The following SUGCT variants were observed in gnomAD, a reference collection of about 807,000 sequenced individuals.
SUGCT encodes succinyl-CoA:glutarate-CoA transferase.
In SUGCT, 41 loss-of-function variants were observed where a neutral mutation model predicts 55.0. The observed-to-expected ratio is 0.74, with a 90% CI of 0.58 to 0.97. The LOEUF (loss-of-function observed/expected upper bound fraction) is 0.97. Among genes scored for constraint, SUGCT ranks in the 50% least tolerant of loss-of-function variants. The pLI is 0.00. For missense variants in SUGCT, 568 were observed against 547.8 expected (o/e 1.04, Z -0.37); for synonymous variants, 187 against 200.4 (o/e 0.93, Z 0.56).
At chr7:40,693,891 T>C (rs866015830) in intron 12 of SUGCT, among the ~76,000 whole-genome samples, 31 of 152,226 alleles carry the variant, frequency 2.0e-4, no homozygotes, top group African/African-American at 7.2e-4. Context: ...AACAATTTCA[T>C]TTCAACCTCA....
At chr7:40,645,137 G>A (rs573075432) in intron 12 of SUGCT, among the ~76,000 whole-genome samples, 3 of 152,274 alleles carry the variant, frequency 2.0e-5, no homozygotes, top group Admixed American at 6.5e-5. Context: ...CCTACCTCGC[G>A]GGGAGAGACA....
chr7:40,634,087 C>T (rs559961806), intron 12 of SUGCT, among the ~76,000 whole-genome samples: 2 of 152,068 alleles, frequency 1.3e-5, no homozygotes, highest in Admixed American at 6.5e-5. Context: ...ACACGTGGAA[C>T]ACAAAGCAGG....
intron 12 of SUGCT, among the ~76,000 whole-genome samples, chr7:40,560,658 C>G (rs1199295562): frequency 6.6e-6 from 1 of 152,136 alleles, no homozygotes; most frequent in Non-Finnish European, 1.5e-5. Context: ...CCAAATTTCA[C>G]TGTTTGGCTT....
At chr7:40,956,255 C>T in the SUGCT span, among the ~76,000 whole-genome samples, 24 of 152,018 alleles carry the variant, frequency 1.6e-4, no homozygotes, top group African/African-American at 5.3e-4. Context: ...TTTGTCTGGT[C>T]TTTGGTTTTT....
chr7:40,405,827 A>G lies in SUGCT; in HGVS notation c.817-43460A>G, dbSNP rs112562176. ...TCTGTCTAAAAAAAAAAAAAAAAAA[A>G]AAAGAAAAACCAATGAGGAAATGTT... is the stretch of plus-strand genomic sequence containing the variant. On this transcript the variant is annotated intron_variant, in intron 9 of 13. Coordinates refer to ENST00000335693, the MANE Select transcript of SUGCT (RefSeq NM_001193313.2). Among the ~76,000 whole-genome samples the G allele has an allele frequency of 3.1e-3, 473 of 151,662 alleles. 4 individuals are homozygous for G. Among genetic ancestry groups the G allele is most frequent in the African/African-American group, 0.01 (429 of 41,408 alleles).
chr7:40,697,080 T>A (rs1165226780), intron 12 of SUGCT, among the ~76,000 whole-genome samples: 1 of 152,020 alleles, frequency 6.6e-6, no homozygotes, highest in Non-Finnish European at 1.5e-5. Flanking sequence ...ACACACACAC[T>A]CACACGTAAC....
chr7:40,989,123 A>C, the SUGCT span, among the ~76,000 whole-genome samples: 5 of 152,328 alleles, frequency 3.3e-5, no homozygotes, highest in Middle Eastern at 3.4e-3. Flanking sequence ...AAAAATACTC[A>C]AGATCATTTG....
chr7:40,361,712 AT>A (rs1297532686), intron 9 of SUGCT, among the ~76,000 whole-genome samples: 1 of 152,160 alleles, frequency 6.6e-6, no homozygotes, highest in African/African-American at 2.4e-5. Context: ...TGGTATTTCG[AT>A]TTTTGAATGA....
chr7:40,391,468 G>C (rs943855858), intron 9 of SUGCT, among the ~76,000 whole-genome samples: 3 of 152,116 alleles, frequency 2.0e-5, no homozygotes, highest in African/African-American at 7.2e-5. Flanking sequence ...CAAAAAGTGG[G>C]CAAAGGATAT....
chr7:40,221,793 A>G (rs1425900718), intron 6 of SUGCT, among the ~76,000 whole-genome samples: 1 of 152,190 alleles, frequency 6.6e-6, no homozygotes, highest in East Asian at 1.9e-4. Context: ...ATTTGACCCC[A>G]TAATCATTTT....
At chr7:40,248,359 A>T (rs879766995) in intron 7 of SUGCT, among the ~76,000 whole-genome samples, 5 of 151,786 alleles carry the variant, frequency 3.3e-5, no homozygotes, top group African/African-American at 9.7e-5. Context: ...AATGTTTTGC[A>T]TTGTATTTTA....
intron 12 of SUGCT, among the ~76,000 whole-genome samples, chr7:40,696,635 A>C (rs1297090147): frequency 6.6e-6 from 1 of 152,148 alleles, no homozygotes; most frequent in Non-Finnish European, 1.5e-5. Flanking sequence ...AGCCACTAGG[A>C]ATGTTTGAGA....
chr7:40,531,419 A>AT (rs537558240), intron 12 of SUGCT, among the ~76,000 whole-genome samples: 199 of 148,424 alleles, frequency 1.3e-3, no homozygotes, highest in Admixed American at 2.4e-3. Flanking sequence ...GAGTTATTGG[A>AT]TTTTTTTTTT....
chr7:40,462,444 A>G (rs1252071620), intron 11 of SUGCT, among the ~76,000 whole-genome samples: 1 of 132,380 alleles, frequency 7.6e-6, no homozygotes, highest in Non-Finnish European at 1.5e-5. Context: ...CTTGTGAAAT[A>G]AAGGATTTTT....
At chr7:40,592,509 G>T (rs1237750792) in intron 12 of SUGCT, among the ~76,000 whole-genome samples, 1 of 152,140 alleles carries the variant, frequency 6.6e-6, no homozygotes, top group Non-Finnish European at 1.5e-5. Context: ...GAATAAAGGA[G>T]GTTGGAAACT....
chr7:40,366,670 A>G (rs1396561551), intron 9 of SUGCT, among the ~76,000 whole-genome samples: 3 of 152,202 alleles, frequency 2.0e-5, no homozygotes, highest in African/African-American at 4.8e-5. Context: ...AAAAATGCTC[A>G]TCATCACTGG....
At chr7:40,445,393 T>C (rs531752733) in intron 9 of SUGCT, among the ~76,000 whole-genome samples, 1 of 151,902 alleles carries the variant, frequency 6.6e-6, no homozygotes, top group East Asian at 1.9e-4. Flanking sequence ...AACTAGAAAA[T>C]CTAGTAGAAA....
the SUGCT span, among the ~76,000 whole-genome samples, chr7:40,899,974 TG>T: frequency 1.6e-4 from 25 of 152,254 alleles, no homozygotes; most frequent in South Asian, 1.5e-3. Flanking sequence ...TGCGGTGGGC[TG>T]GGGGGTAGTG....
rs111450807 is a variant in SUGCT at position 40,657,577 on chromosome 7, C to G, written c.1090-91857C>G. Among the ~76,000 whole-genome samples the G allele has an allele frequency of 4.6e-5, 7 of 151,990 alleles. No individual in the cohort carries two copies. In the South Asian group the frequency reaches 1.5e-3, roughly 32 times the overall value. ...GTGCAGTGGCGCAATCTCTGTCGCC[C>G]GGGCTGGGGTGCAATGGCGCAGTCT... On this transcript the variant is annotated intron_variant, in intron 12 of 13. Transcript: ENST00000335693.
Sources: gnomAD v4.1 joint callset for allele counts (sites outside exome capture counted in the v4.1 genomes callset) on GRCh38, gnomAD v4.1.1 for gene constraint, MANE v1.5 for transcripts, NCBI Gene and HGNC (gene_info 2026-07-23, HGNC 2026-07-21) for gene names.